Variants in WBP11 observed in about 807,000 individuals in gnomAD.
The protein encoded by WBP11 is WW domain-binding protein 11.
A neutral mutation model predicts 66.7 loss-of-function variants in WBP11; 12 were observed. The observed-to-expected ratio is 0.18, with a 90% confidence interval of 0.12 to 0.29. WBP11 has a LOEUF of 0.29. WBP11 is among the 10% of genes least tolerant of loss of function. The pLI, the probability that WBP11 is intolerant of heterozygous loss-of-function variation, is 1.00. For synonymous variants in WBP11, 255 were observed against 273.8 expected (o/e 0.93, Z 0.68); for missense variants, 555 against 818.3 (o/e 0.68, Z 3.93).
At chr12:14,799,406 C>A in intron 4 of WBP11, 1 of 349,308 alleles carries the variant, frequency 2.9e-6, no homozygotes, top group Non-Finnish European at 5.2e-6. Flanking sequence ...CTCACAATAA[C>A]AATTAACTGA....
Position 14,790,295 on chromosome 12 carries a change from G to A in WBP11, c.1309+161C>T, listed in dbSNP as rs560992039. On this transcript the variant is annotated intron_variant, in intron 10 of 11. Transcript: ENST00000261167. ...CTATGAGTTGCAAACAATGGTTTGG[G>A]AATGAACAACCTTTACTTGTCCTTT... Among the ~76,000 whole-genome samples, 39 of 152,372 alleles carry A rather than the reference G, an allele frequency of 2.6e-4. 1 individual carries two copies. The highest frequency in any genetic ancestry group is 7.2e-4 in the African/African-American group (30 of 41,588).
At chr12:14,793,679 A>C in intron 8 of WBP11, 52 bp downstream of exon 8, 1 of 1,564,518 alleles carries the variant, frequency 6.4e-7, no homozygotes, top group African/African-American at 1.4e-5. Flanking sequence ...TAGGACCTTC[A>C]GCTTGTTTTC....
intron 8 of WBP11, among the ~76,000 whole-genome samples, chr12:14,791,842 T>C (rs1454892114): frequency 6.6e-6 from 1 of 152,154 alleles, no homozygotes; most frequent in Non-Finnish European, 1.5e-5. Context: ...TTACAGCAAC[T>C]TGGATGAAGT....
intron 4 of WBP11, among the ~76,000 whole-genome samples, chr12:14,797,371 T>C (rs1358664008): frequency 6.6e-6 from 1 of 152,194 alleles, no homozygotes; most frequent in East Asian, 1.9e-4. Flanking sequence ...AATTCTCTGA[T>C]TTTTTGCTTC....
At chr12:14,790,253 G>T (rs1202675066) in intron 10 of WBP11, among the ~76,000 whole-genome samples, 1 of 152,246 alleles carries the variant, frequency 6.6e-6, no homozygotes, top group Non-Finnish European at 1.5e-5. Flanking sequence ...GAGAAAAACA[G>T]GTGGCTGTCA....
chr12:14,801,051 G>C, intron 2 of WBP11: 1 of 453,142 alleles, frequency 2.2e-6, no homozygotes. Flanking sequence ...ACAAGGGCTC[G>C]CAAAACTAAT....
intron 9 of WBP11, among the ~76,000 whole-genome samples, 196 bp downstream of exon 9, chr12:14,790,973 A>T (rs1949815293): frequency 6.6e-6 from 1 of 152,238 alleles, no homozygotes; most frequent in Non-Finnish European, 1.5e-5. Context: ...ACAGACCAAT[A>T]TTTAAATGCC....
intron 8 of WBP11, among the ~76,000 whole-genome samples, 189 bp from the exon 9 acceptor site, chr12:14,791,459 A>T (rs1410915518): frequency 6.6e-6 from 1 of 152,234 alleles, no homozygotes; most frequent in East Asian, 1.9e-4. Context: ...TAAATTACTA[A>T]AGTTGGCCAA....
intron 8 of WBP11, among the ~76,000 whole-genome samples, chr12:14,792,449 T>C (rs781344092): frequency 2.4e-4 from 36 of 146,996 alleles, no homozygotes; most frequent in Non-Finnish European, 4.5e-4. Context: ...AAATGCCGTA[T>C]ATAGTAAAAA....
At position 14,791,154 on chromosome 12, in the gene WBP11, T is replaced by C; in HGVS notation, c.1015+15A>G. The C allele has an allele frequency of 6.2e-7, 1 of 1,612,780 alleles. No homozygotes were observed. Among genetic ancestry groups the C allele is most frequent in the Non-Finnish European group, 8.5e-7 (1 of 1,178,982 alleles). ...ATACACCAAAAGGTGATTCACTATT[T>C]TTTCCCTGCCTCACCTGCCATACGA... On this transcript the variant is annotated intron_variant, in intron 9 of 11. Coordinates refer to ENST00000261167, the MANE Select transcript of WBP11 (RefSeq NM_016312.3).
rs923244803 is a variant in WBP11 at position 14,796,211 on chromosome 12, T to C, written c.387+596A>G. Reference sequence around the variant, plus strand: ...CCATGCTGTTTTGAGTATTAGATTATTCCTTTTATTGCTGAATAGTATTCT... The same window carrying C: ...CCATGCTGTTTTGAGTATTAGATTACTCCTTTTATTGCTGAATAGTATTCT... On this transcript the variant is annotated intron_variant, in intron 5 of 11. Transcript: ENST00000261167. The surrounding 1 kb of genome is among the most constrained non-coding windows in gnomAD (Gnocchi z 4.5). 3.3e-5 allele frequency among the ~76,000 whole-genome samples: 5 copies of C among 152,224 alleles called. No homozygotes were observed. The highest frequency in any genetic ancestry group is 6.5e-5 in the Admixed American group (1 of 15,284).
At chr12:14,790,818 C>G in intron 9 of WBP11, 69 bp from the exon 10 acceptor site, 1 of 1,412,070 alleles carries the variant, frequency 7.1e-7, no homozygotes, top group Non-Finnish European at 9.7e-7. Context: ...ACAGCAATGA[C>G]TGAATACACA....
Position 14,784,833 on chromosome 12 carries a change from C to T in WBP11, c.*2232G>A, listed in dbSNP as rs1426757855. On this transcript the variant is annotated 3_prime_UTR_variant, in exon 12 of 12. Coordinates refer to ENST00000261167, the MANE Select transcript of WBP11 (RefSeq NM_016312.3). ...TTTACATTTCATAGCTGTGAGCTGA[C>T]CATTTTCATGAAAATATTATGTAAA... is the stretch of plus-strand genomic sequence containing the variant. 1 of 152,142 alleles carries T rather than the reference C, an allele frequency of 6.6e-6. No individual in the cohort carries two copies. Among genetic ancestry groups the T allele is most frequent in the East Asian group, 1.9e-4 (1 of 5,188 alleles). 9.4% of individuals were successfully genotyped at this position (152,142 alleles called of 1,614,324 possible).
In WBP11 at chr12:14,796,922, C is replaced by T; in HGVS notation, c.272G>A (p.Arg91His). 6.2e-7 allele frequency: 1 copy of T among 1,611,518 alleles called. No individual in the cohort carries two copies. The highest frequency in any genetic ancestry group is 8.5e-7 in the Non-Finnish European group (1 of 1,179,204). ...KRKKLRETFE[R>H]ILRLYEKENP... ...CTCTTTTTCATAGAGTCGTAGAATA[C>T]GTTCAAAGGTTTCACGCAGCTTTTT... The change falls in exon 5 of 12, where the codon CGT becomes CAT. Residue 91 changes from arginine (R) to histidine (H), a missense_variant. By Grantham distance (29) the Arg-to-His change is conservative. Transcript: ENST00000261167. The surrounding 1 kb of genome is among the most constrained non-coding windows in gnomAD (Gnocchi z 4.5).
chr12:14,803,187 C>T (rs1343916954), intron 1 of WBP11, among the ~76,000 whole-genome samples, 165 bp downstream of exon 1: 1 of 152,190 alleles, frequency 6.6e-6, no homozygotes, highest in Non-Finnish European at 1.5e-5. Flanking sequence ...CCACTGGTCG[C>T]CGCGCCACCC....
intron 8 of WBP11, among the ~76,000 whole-genome samples, chr12:14,792,455 A>ATTCCCAGCACTTTGGGAGGCCG: frequency 7.1e-6 from 1 of 141,498 alleles, no homozygotes; most frequent in Non-Finnish European, 1.6e-5. Context: ...CGTATATAGT[A>ATTCCCAGCACTTTGGGAGGCCG]AAAACTCAAT....
In WBP11 at chr12:14,790,604, A is replaced by G. The variant is rs752296363; in HGVS notation, c.1161T>C (p.Ser387=). The G allele has an allele frequency of 1.9e-6, 3 of 1,613,920 alleles. No individual in the cohort carries two copies. The highest frequency in any genetic ancestry group is 2.5e-6 in the Non-Finnish European group (3 of 1,179,902). The part of the protein sequence containing the change: ...ESHSDGTSTA[S]SQQQAPPQSV... ...ACTGCGGCGGAGCCTGCTGCTGTGAAGAAGCAGTGGATGTGCCATCAGAAT... is the reference window on the plus strand; with the variant it reads ...ACTGCGGCGGAGCCTGCTGCTGTGAGGAAGCAGTGGATGTGCCATCAGAAT... The change falls in exon 10 of 12, where the codon TCT becomes TCC. Residue 387 remains serine (S), a synonymous_variant. Transcript: ENST00000261167.
intron 7 of WBP11, 79 bp downstream of exon 7, chr12:14,794,458 G>A: frequency 6.7e-7 from 1 of 1,489,656 alleles, no homozygotes; most frequent in South Asian, 1.1e-5. Flanking sequence ...TCTAAGTTCT[G>A]AGGGTGGTGA....
intron 8 of WBP11, among the ~76,000 whole-genome samples, chr12:14,793,354 AG>A (rs1949845534): frequency 6.6e-6 from 1 of 152,216 alleles, no homozygotes; most frequent in South Asian, 2.1e-4. Context: ...ATACCATAAA[AG>A]GGCTTCAAAG....
Sources: allele counts gnomAD v4.1 joint callset (sites outside exome capture counted in the v4.1 genomes callset), GRCh38; gene constraint gnomAD v4.1.1; non-coding constraint Gnocchi (gnomAD v3.1); transcripts MANE v1.5; gene names NCBI Gene and HGNC (gene_info 2026-07-23, HGNC 2026-07-21).